Variants in DPP10 observed in about 807,000 individuals in gnomAD.
DPP10 encodes inactive dipeptidyl peptidase 10.
Under a neutral mutation model 120.9 loss-of-function variants are expected in DPP10, and 33 were observed. The ratio of observed to expected loss-of-function variants is 0.27; its 90% CI spans 0.21 to 0.37. DPP10 has a LOEUF of 0.37. Ranked by LOEUF, DPP10 falls within the 10% of genes least tolerant of loss-of-function variation. The pLI, the probability that DPP10 is intolerant of heterozygous loss-of-function variation, is 1.00. For synonymous variants in DPP10, 337 were observed against 326.1 expected (o/e 1.03, Z -0.36); for missense variants, 816 against 942.8 (o/e 0.87, Z 1.76).
chr2:115,773,991 G>A (rs749343770), intron 13 of DPP10, among the ~76,000 whole-genome samples: 30 of 151,936 alleles, frequency 2.0e-4, no homozygotes, highest in Non-Finnish European at 2.8e-4. Flanking sequence ...AATTACAGCT[G>A]TTTCAAATAA....
chr2:115,558,461 C>T (rs2080357253), intron 5 of DPP10, among the ~76,000 whole-genome samples: 1 of 152,078 alleles, frequency 6.6e-6, no homozygotes. Flanking sequence ...GAGTACATTT[C>T]AGCGTTTGCT....
chr2:114,900,931 C>T (rs932413033), intron 1 of DPP10, among the ~76,000 whole-genome samples: 2 of 151,822 alleles, frequency 1.3e-5, no homozygotes, highest in African/African-American at 2.4e-5. Flanking sequence ...GTTTTTGCAC[C>T]AAAATAAACT....
chr2:115,475,506 A>G (rs1372866886), intron 3 of DPP10, among the ~76,000 whole-genome samples: 1 of 152,334 alleles, frequency 6.6e-6, no homozygotes, highest in East Asian at 1.9e-4. Flanking sequence ...CAGGAAGCCA[A>G]TGTGGAGGGA....
intron 5 of DPP10, among the ~76,000 whole-genome samples, chr2:115,668,986 T>G (rs2089669801): frequency 6.6e-6 from 1 of 152,142 alleles, no homozygotes; most frequent in Non-Finnish European, 1.5e-5. Flanking sequence ...AGGCCTTCCC[T>G]TAGGATTTTT....
chr2:114,754,065 TC>T (rs998599902), intron 1 of DPP10, among the ~76,000 whole-genome samples: 1 of 152,166 alleles, frequency 6.6e-6, no homozygotes, highest in African/African-American at 2.4e-5. Flanking sequence ...TTAACATTTT[TC>T]TAAAAATCGC....
chr2:115,650,662 T>C (rs78678377), intron 5 of DPP10, among the ~76,000 whole-genome samples: 3,308 of 152,114 alleles, frequency 0.022, 126 homozygotes, highest in African/African-American at 0.076. Context: ...TCACATGTGG[T>C]CTCTACTTGG....
chr2:115,168,673 C>T (rs577358538), intron 1 of DPP10, among the ~76,000 whole-genome samples: 2 of 152,268 alleles, frequency 1.3e-5, no homozygotes, highest in South Asian at 2.1e-4. Context: ...ACATTCTTAT[C>T]ATTGACTACA....
chr2:115,022,689 C>A (rs1485975097), intron 1 of DPP10, among the ~76,000 whole-genome samples: 1 of 151,974 alleles, frequency 6.6e-6, no homozygotes, highest in Non-Finnish European at 1.5e-5. Context: ...GCCCACATAA[C>A]CAAAGCAGGA....
chr2:115,603,575 T>G (rs1324829336), intron 5 of DPP10, among the ~76,000 whole-genome samples: 5 of 146,892 alleles, frequency 3.4e-5, no homozygotes, highest in East Asian at 2.0e-4. Context: ...TTTTTGTTTT[T>G]TTTTTTTTTG....
intron 1 of DPP10, among the ~76,000 whole-genome samples, chr2:114,681,689 A>T (rs1020230120): frequency 6.6e-6 from 1 of 152,024 alleles, no homozygotes; most frequent in Admixed American, 6.6e-5. Context: ...AATACATTTT[A>T]CAAAGCCGGT....
chr2:114,950,292 CTTTT>C (rs35889704), intron 1 of DPP10, among the ~76,000 whole-genome samples: 1 of 90,812 alleles, frequency 1.1e-5, no homozygotes, highest in African/African-American at 4.2e-5. Context: ...CCACACCTTG[CTTTT>C]TTTTTTTTTT....
intron 4 of DPP10, among the ~76,000 whole-genome samples, chr2:115,502,209 A>T (rs2076718800): frequency 6.6e-6 from 1 of 152,144 alleles, no homozygotes; most frequent in East Asian, 1.9e-4. Context: ...ACTTTTGGTT[A>T]TGTAATCATG....
chr2:115,520,774 G>C (rs1007757512), intron 4 of DPP10, among the ~76,000 whole-genome samples: 3 of 152,132 alleles, frequency 2.0e-5, no homozygotes, highest in Non-Finnish European at 4.4e-5. Context: ...ATTTAAGTTT[G>C]TGTTTAATGA....
At position 114,669,124 on chromosome 2, in the gene DPP10, A is replaced by G. The variant is rs192923407; in HGVS notation, c.60+226286A>G. 9.9e-5 allele frequency among the ~76,000 whole-genome samples: 15 copies of G among 152,222 alleles called. No homozygotes were observed. The East Asian group carries it at 2.7e-3, about 27-fold the overall frequency. On this transcript the variant is annotated intron_variant, in intron 1 of 25. Transcript: ENST00000410059. ...TTGCATCTACTTTCTTGTTGTTACA[A>G]CTGTTCCCCACTCATCTCTAGTGAT...
chr2:115,655,985 A>G (rs994340119), intron 5 of DPP10, among the ~76,000 whole-genome samples: 10 of 151,540 alleles, frequency 6.6e-5, no homozygotes, highest in Non-Finnish European at 1.3e-4. Context: ...AAAATGGAAA[A>G]TTATTTTTCA....
chr2:115,486,990 G>A (rs903354085), intron 3 of DPP10, among the ~76,000 whole-genome samples: 11 of 151,982 alleles, frequency 7.2e-5, no homozygotes, highest in African/African-American at 1.9e-4. Context: ...AAATAAAAAC[G>A]AACTTTATTC....
chr2:114,455,472 G>A (rs1313296864), intron 1 of DPP10, among the ~76,000 whole-genome samples: 1 of 151,720 alleles, frequency 6.6e-6, no homozygotes, highest in Non-Finnish European at 1.5e-5. Context: ...CTGAACCTGG[G>A]ATGCGGAGGT....
chr2:115,199,532 T>C (rs977094091), intron 1 of DPP10, among the ~76,000 whole-genome samples: 1 of 152,162 alleles, frequency 6.6e-6, no homozygotes, highest in Admixed American at 6.5e-5. Flanking sequence ...GGTTTGAATG[T>C]AACAAATTCC....
chr2:114,443,843 G>T (rs556021219), intron 1 of DPP10, among the ~76,000 whole-genome samples: 1 of 151,728 alleles, frequency 6.6e-6, no homozygotes, highest in South Asian at 2.1e-4. Flanking sequence ...ATTATGTTTT[G>T]GTTTATGTCT....
Sources: gnomAD v4.1 joint callset for allele counts (sites outside exome capture counted in the v4.1 genomes callset) on GRCh38, gnomAD v4.1.1 for gene constraint, MANE v1.5 for transcripts, NCBI Gene and HGNC (gene_info 2026-07-23, HGNC 2026-07-21) for gene names.